Variants in ANKRD29 observed in about 807,000 individuals in gnomAD.
The protein encoded by ANKRD29 is ankyrin repeat domain-containing protein 29.
In ANKRD29, 32 loss-of-function variants were observed where a neutral mutation model predicts 38.0. The observed-to-expected ratio is 0.84, with a 90% CI of 0.64 to 1.13. The LOEUF (loss-of-function observed/expected upper bound fraction) is 1.13. Among genes scored for constraint, ANKRD29 ranks in the 50% most tolerant of loss-of-function variants. The probability of loss-of-function intolerance (pLI) is 0.00; values close to 1 mark genes in which losing one functional copy is unlikely to be tolerated. For synonymous variants in ANKRD29, 135 were observed against 152.4 expected (o/e 0.89, Z 0.84); for missense variants, 357 against 377.9 (o/e 0.94, Z 0.46).
intron 6 of ANKRD29, among the ~76,000 whole-genome samples, chr18:23,621,705 G>T (rs146752795): frequency 1.3e-5 from 2 of 151,990 alleles, no homozygotes; most frequent in East Asian, 3.9e-4. Context: ...TTTGAGACAG[G>T]ACTCTGTTAC....
Position 23,637,805 on chromosome 18 carries a change from C to A in ANKRD29, c.330+1044G>T, listed in dbSNP as rs562643072. On this transcript the variant is annotated intron_variant, in intron 4 of 9. Coordinates refer to ENST00000592179, the MANE Select transcript of ANKRD29 (RefSeq NM_173505.4). Reference sequence around the variant, plus strand: ...AGAAAACCTAAAAGTTTCCAACTTGCGCACATTTTCAGGAATTTAAAAATT... The same window carrying A: ...AGAAAACCTAAAAGTTTCCAACTTGAGCACATTTTCAGGAATTTAAAAATT... Among the ~76,000 whole-genome samples the A allele has an allele frequency of 4.0e-4, 61 of 152,050 alleles. 1 individual carries two copies. The highest frequency in any genetic ancestry group is 1.2e-4 in the Non-Finnish European group (8 of 68,028).
At chr18:23,641,606 G>T (rs890387947) in intron 3 of ANKRD29, among the ~76,000 whole-genome samples, 9 of 152,218 alleles carry the variant, frequency 5.9e-5, no homozygotes, top group Admixed American at 6.5e-5. Context: ...GCCTGTAGGC[G>T]CCCCTTGGCA....
Position 23,619,617 on chromosome 18 carries a change from G to C in ANKRD29, c.541C>G (p.Pro181Ala). ...CCCATCTGGGACGCGATCCACAGGG[G>C]CGCTGTCCCGTCCTGCGGGAAGAGG... ...VNQPRQDGTA[P>A]LWIASQMGHS... Residue 181 changes from proline to alanine, a missense_variant, in exon 7 of 10, where the codon CCC becomes GCC. Coordinates refer to ENST00000592179, the MANE Select transcript of ANKRD29 (RefSeq NM_173505.4). 1 of 1,590,250 alleles carries C rather than the reference G, an allele frequency of 6.3e-7. No homozygotes were observed. The highest frequency in any genetic ancestry group is 8.5e-7 in the Non-Finnish European group (1 of 1,176,304).
chr18:23,601,949 G>A (rs549532926), intron 9 of ANKRD29, among the ~76,000 whole-genome samples: 1 of 152,116 alleles, frequency 6.6e-6, no homozygotes, highest in East Asian at 1.9e-4. Flanking sequence ...CAGCCACCGT[G>A]CCCAGCCTAC....
intron 6 of ANKRD29, among the ~76,000 whole-genome samples, chr18:23,628,415 G>A (rs549068103): frequency 3.3e-5 from 5 of 152,278 alleles, no homozygotes; most frequent in African/African-American, 1.2e-4. Context: ...TGTGAACACA[G>A]AGAGGCATTC....
At chr18:23,650,338 C>T (rs1477178923) in intron 1 of ANKRD29, among the ~76,000 whole-genome samples, 1 of 151,914 alleles carries the variant, frequency 6.6e-6, no homozygotes, top group African/African-American at 2.4e-5. Context: ...TAGAGAGGTT[C>T]TCGCTGTGTG....
chr18:23,635,010 G>A (rs1174426701), intron 4 of ANKRD29, among the ~76,000 whole-genome samples: 1 of 152,208 alleles, frequency 6.6e-6, no homozygotes, highest in African/African-American at 2.4e-5. Flanking sequence ...CACATTCTGT[G>A]TGTCTCTCAC....
At position 23,600,866 on chromosome 18, in the gene ANKRD29, A is replaced by G. The variant is rs562842744; in HGVS notation, c.*360T>C. 2 of 166,148 alleles carry G rather than the reference A, an allele frequency of 1.2e-5. No homozygotes were observed. The highest frequency in any genetic ancestry group is 3.5e-4 in the South Asian group (2 of 5,672). The allele number at this position is 166,148 out of a possible 1,614,324, so 10.3% of individuals were successfully genotyped here. A position where few individuals can be genotyped will look rare whatever the true frequency, so the allele number is the denominator to read the frequency against. On this transcript the variant is annotated 3_prime_UTR_variant, in exon 10 of 10. Transcript: ENST00000592179. The stretch of plus-strand genomic sequence containing the variant: ...AGCTTTTCAGTCTTTTAAAGGAACA[A>G]AGCATTCTGTCTCCTTGCTTAGTAC...
At chr18:23,645,527 T>G (rs76781964) in intron 3 of ANKRD29, among the ~76,000 whole-genome samples, 4,226 of 152,170 alleles carry the variant, frequency 0.028, 174 homozygotes, top group East Asian at 0.092. Flanking sequence ...TGAGCCGAGG[T>G]TGCGCCATTG....
rs541942324 is a variant in ANKRD29, at chr18:23,627,386, C to T, written c.528+2467G>A. 1.8e-4 allele frequency among the ~76,000 whole-genome samples: 27 copies of T among 152,302 alleles called. 1 individual carries two copies. The South Asian group carries it at 5.4e-3, about 30-fold the overall frequency. On this transcript the variant is annotated intron_variant, in intron 6 of 9. Coordinates refer to ENST00000592179, the MANE Select transcript of ANKRD29 (RefSeq NM_173505.4). ...GATGCAGTCTTTAGAAGTTGTAGCA[C>T]TTGCTCCTTGACCAGAGGGTGGATC...
chr18:23,656,606 G>A (rs1007780865), intron 1 of ANKRD29, among the ~76,000 whole-genome samples: 12 of 152,100 alleles, frequency 7.9e-5, no homozygotes, highest in Admixed American at 1.3e-4. Flanking sequence ...TGATTTGCTC[G>A]CTGCATGAGT....
At chr18:23,640,390 T>C (rs1052177861) in intron 3 of ANKRD29, among the ~76,000 whole-genome samples, 5 of 152,314 alleles carry the variant, frequency 3.3e-5, no homozygotes, top group African/African-American at 1.2e-4. Context: ...ACTCAAGATA[T>C]TTGGTATAGT....
At chr18:23,604,854 C>A (rs2059556139) in intron 9 of ANKRD29, among the ~76,000 whole-genome samples, 1 of 152,140 alleles carries the variant, frequency 6.6e-6, no homozygotes, top group African/African-American at 2.4e-5. Context: ...AGATAATCAT[C>A]ATACTTCAGT....
At chr18:23,660,004 G>A (rs1188655698) in intron 1 of ANKRD29, among the ~76,000 whole-genome samples, 6 of 148,084 alleles carry the variant, frequency 4.1e-5, no homozygotes, top group Admixed American at 2.0e-4. Context: ...CCAGCTACTC[G>A]GGGGGCTGAG....
In ANKRD29 at chr18:23,662,309, G is replaced by A. The variant is rs373742025; in HGVS notation, c.21+401C>T. ...CCACCCCTCCGGGGAGGAGGCATCC[G>A]TGGGTGCAGCTGGTACTCCTGCATG... On this transcript the variant is annotated intron_variant, in intron 1 of 9. Coordinates refer to ENST00000592179, the MANE Select transcript of ANKRD29 (RefSeq NM_173505.4). Among the ~76,000 whole-genome samples the A allele has an allele frequency of 3.3e-4, 51 of 152,272 alleles. No homozygotes were observed. In the East Asian group the frequency reaches 9.1e-3, roughly 27 times the overall value.
At chr18:23,644,950 C>T (rs1247559098) in intron 3 of ANKRD29, among the ~76,000 whole-genome samples, 1 of 152,164 alleles carries the variant, frequency 6.6e-6, no homozygotes, top group Non-Finnish European at 1.5e-5. Flanking sequence ...TGACACAGTC[C>T]TGAGACCTGA....
intron 9 of ANKRD29, among the ~76,000 whole-genome samples, chr18:23,602,371 C>A (rs1273085304): frequency 1.3e-5 from 2 of 152,046 alleles, no homozygotes; most frequent in Admixed American, 6.6e-5. Flanking sequence ...AGATAGGAAA[C>A]CTCCAGAGCA....
intron 1 of ANKRD29, among the ~76,000 whole-genome samples, chr18:23,655,176 C>T (rs2060263146): frequency 7.2e-6 from 1 of 138,422 alleles, no homozygotes. Context: ...AGCCCCCCCA[C>T]TGACTGAGTG....
At chr18:23,649,271 A>G (rs2060180871) in intron 1 of ANKRD29, 78 bp from the exon 2 acceptor site, 1 of 1,038,438 alleles carries the variant, frequency 9.6e-7, no homozygotes, top group Non-Finnish European at 1.4e-6. Flanking sequence ...AGATAATAAC[A>G]TTCAGAAAGA....
Sources: allele counts gnomAD v4.1 joint callset (sites outside exome capture counted in the v4.1 genomes callset), GRCh38; gene constraint gnomAD v4.1.1; transcripts MANE v1.5; gene names NCBI Gene and HGNC (gene_info 2026-07-23, HGNC 2026-07-21).